LRCH1: variants seen among roughly 807,000 people sequenced by gnomAD.
The protein encoded by LRCH1 is leucine rich repeats and calponin homology domain containing 1.
In LRCH1, 23 loss-of-function variants were observed where a neutral mutation model predicts 94.9. The observed-to-expected ratio is 0.24, with a 90% CI of 0.17 to 0.34. The LOEUF is 0.34. Among genes scored for constraint, LRCH1 ranks in the 10% least tolerant of loss-of-function variants. LRCH1 has a pLI of 1.00. For missense variants in LRCH1, 790 were observed against 945.9 expected (o/e 0.84, Z 2.16); for synonymous variants, 364 against 354.9 (o/e 1.03, Z -0.29).
chr13:46,580,380 A>G (rs1872753934), intron 1 of LRCH1, among the ~76,000 whole-genome samples: 1 of 152,170 alleles, frequency 6.6e-6, no homozygotes. Context: ...TGAGGGAATG[A>G]AATTATCCAA....
intron 2 of LRCH1, among the ~76,000 whole-genome samples, chr13:46,657,390 A>AT (rs10672465): frequency 0.25 from 36,829 of 146,080 alleles, 5,209 homozygotes; most frequent in African/African-American, 0.36. Flanking sequence ...AAAAAGAGAG[A>AT]TTTTTTTTTT....
intron 1 of LRCH1, among the ~76,000 whole-genome samples, chr13:46,556,236 G>A (rs2050063955): frequency 6.6e-6 from 1 of 152,116 alleles, no homozygotes; most frequent in South Asian, 2.1e-4. Context: ...TAAAAAGTCA[G>A]GCTTCTGGCA....
At chr13:46,688,028 A>G in intron 6 of LRCH1, 49 bp downstream of exon 6, 3 of 1,558,186 alleles carry the variant, frequency 1.9e-6, no homozygotes, top group South Asian at 1.2e-5. Context: ...TGCCTAGGCC[A>G]AGGCCCTCCA....
chr13:46,697,357 T>C (rs953454804), intron 9 of LRCH1, among the ~76,000 whole-genome samples: 2 of 152,188 alleles, frequency 1.3e-5, no homozygotes, highest in African/African-American at 4.8e-5. Context: ...TTGATGAACA[T>C]TACAACCATA....
chr13:46,728,757 T>A (rs1251443505), intron 17 of LRCH1, 90 bp from the exon 18 acceptor site: 1 of 1,182,498 alleles, frequency 8.5e-7, no homozygotes, highest in Non-Finnish European at 1.2e-6. Flanking sequence ...ATGAAATTAG[T>A]GCCTCAGTTC....
At chr13:46,711,904 CT>C in intron 14 of LRCH1, 60 bp downstream of exon 14, 1 of 1,242,208 alleles carries the variant, frequency 8.1e-7, no homozygotes, top group Non-Finnish European at 1.2e-6. Flanking sequence ...ATTGGAATAT[CT>C]TTTACAGAAA....
intron 1 of LRCH1, among the ~76,000 whole-genome samples, chr13:46,649,511 T>G (rs1235970072): frequency 6.6e-6 from 1 of 152,218 alleles, no homozygotes; most frequent in Non-Finnish European, 1.5e-5. Context: ...TGCCCAGTGG[T>G]GTCCAGTTTT....
intron 11 of LRCH1, among the ~76,000 whole-genome samples, chr13:46,701,542 T>G (rs1420391180): frequency 6.6e-6 from 1 of 152,190 alleles, no homozygotes; most frequent in Non-Finnish European, 1.5e-5. Flanking sequence ...AAACCCCTGA[T>G]TTATAAAAAA....
intron 1 of LRCH1, among the ~76,000 whole-genome samples, chr13:46,620,599 C>T (rs749817097): frequency 2.6e-5 from 4 of 152,104 alleles, no homozygotes; most frequent in Non-Finnish European, 4.4e-5. Context: ...AGAACGGGAG[C>T]CATGCAGTGG....
At chr13:46,719,800 C>T (rs953427991) in intron 16 of LRCH1, among the ~76,000 whole-genome samples, 10 of 152,076 alleles carry the variant, frequency 6.6e-5, no homozygotes, top group South Asian at 4.2e-4. Flanking sequence ...GAGTTCAAGA[C>T]CAGCCTGGTC....
At chr13:46,723,199 T>C in intron 16 of LRCH1, 22 bp from the exon 17 acceptor site, 1 of 1,463,770 alleles carries the variant, frequency 6.8e-7, no homozygotes, top group Non-Finnish European at 9.5e-7. Flanking sequence ...TATAAAGGCT[T>C]TTTTTCCCCT....
chr13:46,683,189 A>T (rs1870432380), intron 4 of LRCH1, among the ~76,000 whole-genome samples: 1 of 152,238 alleles, frequency 6.6e-6, no homozygotes, highest in Non-Finnish European at 1.5e-5. Flanking sequence ...GATTTTAATT[A>T]TCCTGTCTCT....
At chr13:46,578,737 A>G (rs767342564) in intron 1 of LRCH1, among the ~76,000 whole-genome samples, 22 of 152,002 alleles carry the variant, frequency 1.4e-4, no homozygotes, top group Non-Finnish European at 2.2e-4. Context: ...CTTGGATTTG[A>G]ATTATGCAGT....
At chr13:46,649,331 C>T (rs890824967) in intron 1 of LRCH1, among the ~76,000 whole-genome samples, 1 of 152,130 alleles carries the variant, frequency 6.6e-6, no homozygotes, top group African/African-American at 2.4e-5. Context: ...AGTAGTGGTT[C>T]TTTCCTTATA....
At chr13:46,583,500 A>G (rs191655955) in intron 1 of LRCH1, among the ~76,000 whole-genome samples, 4 of 152,316 alleles carry the variant, frequency 2.6e-5, no homozygotes, top group African/African-American at 9.6e-5. Flanking sequence ...CTAACTCAGA[A>G]GCCACTCTGT....
At position 46,741,864 on chromosome 13, in the gene LRCH1, C is replaced by T. The variant is rs775483271; in HGVS notation, c.*16C>T. The stretch of plus-strand genomic sequence containing the variant: ...GTCCGCATAATGTCTGCACGTGCAT[C>T]CAAACGCTGTGCTCTGTCGCCCTCA... On this transcript the variant is annotated 3_prime_UTR_variant, in exon 20 of 20. Coordinates refer to ENST00000389797, the MANE Select transcript of LRCH1 (RefSeq NM_001164211.2). 4.3e-6 allele frequency: 7 copies of T among 1,613,224 alleles called. No homozygotes were observed. The East Asian group carries it at 1.3e-4, about 31-fold the overall frequency.
At chr13:46,669,789 C>T (rs754241048) in intron 3 of LRCH1, among the ~76,000 whole-genome samples, 5 of 151,896 alleles carry the variant, frequency 3.3e-5, no homozygotes, top group Non-Finnish European at 5.9e-5. Context: ...TCTAAACTTC[C>T]ATTGAGCTAA....
chr13:46,728,749 G>A lies in LRCH1; in HGVS notation c.1870-98G>A, dbSNP rs1018054397. 14 of 1,146,946 alleles carry A rather than the reference G, an allele frequency of 1.2e-5. No homozygotes were observed. In the African/African-American group the frequency reaches 1.6e-4, roughly 13 times the overall value. The allele number at this position is 1,146,946 out of a possible 1,614,324, so 71.0% of individuals were successfully genotyped here. On this transcript the variant is annotated intron_variant, in intron 17 of 19. Coordinates refer to ENST00000389797, the MANE Select transcript of LRCH1 (RefSeq NM_001164211.2). ...CATTGTTATCCTTATTTCCTATGATGAAATTAGTGCCTCAGTTCATAAATA... is the reference window on the plus strand; with the variant it reads ...CATTGTTATCCTTATTTCCTATGATAAAATTAGTGCCTCAGTTCATAAATA...
At chr13:46,640,654 A>G (rs2051146678) in intron 1 of LRCH1, among the ~76,000 whole-genome samples, 2 of 152,260 alleles carry the variant, frequency 1.3e-5, no homozygotes, top group African/African-American at 2.4e-5. Flanking sequence ...CTGTACAACA[A>G]TGAACAAAGC....
Sources: allele counts gnomAD v4.1 joint callset (sites outside exome capture counted in the v4.1 genomes callset), GRCh38; gene constraint gnomAD v4.1.1; transcripts MANE v1.5; gene names NCBI Gene and HGNC (gene_info 2026-07-23, HGNC 2026-07-21).